UBE2E2: variants seen among roughly 807,000 people sequenced by gnomAD.
UBE2E2 encodes the protein ubiquitin conjugating enzyme E2 E2, also known as ubiquitin-conjugating enzyme E2 E2.
Under a neutral mutation model 24.7 loss-of-function variants are expected in UBE2E2, and 6 were observed. That is an observed-to-expected ratio of 0.24 (90% confidence interval 0.13 to 0.48). The LOEUF (loss-of-function observed/expected upper bound fraction) is 0.48. UBE2E2 is among the 20% of genes least tolerant of loss of function. The probability of loss-of-function intolerance (pLI) is 0.99; values close to 1 mark genes in which losing one functional copy is unlikely to be tolerated. For synonymous variants in UBE2E2, 104 were observed against 83.6 expected (o/e 1.24, Z -1.33); for missense variants, 169 against 245.0 (o/e 0.69, Z 2.07).
At chr3:23,276,424 T>C (rs1451416744) in intron 3 of UBE2E2, among the ~76,000 whole-genome samples, 1 of 152,190 alleles carries the variant, frequency 6.6e-6, no homozygotes, top group East Asian at 1.9e-4. Flanking sequence ...AAGGAGGGGT[T>C]AATTTACGTT....
intron 3 of UBE2E2, among the ~76,000 whole-genome samples, chr3:23,367,614 G>A (rs929410551): frequency 1.3e-5 from 2 of 152,140 alleles, no homozygotes; most frequent in African/African-American, 4.8e-5. Context: ...ATCCCTTGCA[G>A]TATCTATGTG....
intron 5 of UBE2E2, among the ~76,000 whole-genome samples, chr3:23,542,043 G>A (rs1695405976): frequency 6.6e-6 from 1 of 152,148 alleles, no homozygotes; most frequent in South Asian, 2.1e-4. Context: ...TCTAGCTTTG[G>A]ATGCCAGCAT....
Position 23,217,332 on chromosome 3 carries a change from T to C in UBE2E2, c.227+20T>C. ...CTGTAGGTAAGTACTCATGGTTTTT[T>C]ATTTACTTGTATCTTTTGCAGAAGG... On this transcript the variant is annotated intron_variant, in intron 3 of 5. Coordinates refer to ENST00000396703, the MANE Select transcript of UBE2E2 (RefSeq NM_152653.4). 1 of 1,609,002 alleles carries C rather than the reference T, an allele frequency of 6.2e-7. No individual in the cohort carries two copies. Among genetic ancestry groups the C allele is most frequent in the East Asian group, 2.2e-5 (1 of 44,782 alleles).
At chr3:23,526,508 T>C (rs1244186630) in intron 4 of UBE2E2, among the ~76,000 whole-genome samples, 2 of 152,192 alleles carry the variant, frequency 1.3e-5, no homozygotes, top group African/African-American at 4.8e-5. Context: ...AGGCAGTGCT[T>C]TGGACATCAG....
At chr3:23,411,933 T>A (rs1232011578) in intron 3 of UBE2E2, among the ~76,000 whole-genome samples, 1 of 152,188 alleles carries the variant, frequency 6.6e-6, no homozygotes, top group African/African-American at 2.4e-5. Flanking sequence ...CTAATTGCAG[T>A]ACAAACGAAA....
chr3:23,299,743 A>T (rs539874843), intron 3 of UBE2E2, among the ~76,000 whole-genome samples: 38 of 152,334 alleles, frequency 2.5e-4, no homozygotes, highest in African/African-American at 8.7e-4. Context: ...TGTGGTGCTG[A>T]AAAGAATGTA....
chr3:23,400,619 C>CACACACACAG (rs1224331795), intron 3 of UBE2E2, among the ~76,000 whole-genome samples: 1 of 150,928 alleles, frequency 6.6e-6, no homozygotes, highest in Non-Finnish European at 1.5e-5. Flanking sequence ...CACACACACA[C>CACACACACAG]ACACACACAC....
intron 3 of UBE2E2, among the ~76,000 whole-genome samples, chr3:23,326,230 C>A (rs1432705510): frequency 6.6e-6 from 1 of 152,118 alleles, no homozygotes; most frequent in Non-Finnish European, 1.5e-5. Context: ...TGCCACCAAG[C>A]CTGGCTAATT....
chr3:23,403,669 C>CA (rs1363353633), intron 3 of UBE2E2, among the ~76,000 whole-genome samples: 3 of 151,934 alleles, frequency 2.0e-5, no homozygotes, highest in Non-Finnish European at 4.4e-5. Flanking sequence ...TTCAAAAATG[C>CA]AAAAATTAGC....
At chr3:23,412,838 C>T (rs1194545797) in intron 3 of UBE2E2, among the ~76,000 whole-genome samples, 1 of 152,078 alleles carries the variant, frequency 6.6e-6, no homozygotes, top group Non-Finnish European at 1.5e-5. Context: ...GAGTGGGGAG[C>T]CAGAACCTTG....
intron 3 of UBE2E2, among the ~76,000 whole-genome samples, chr3:23,328,630 C>T (rs1171092237): frequency 1.3e-5 from 2 of 149,346 alleles, no homozygotes; most frequent in African/African-American, 4.9e-5. Context: ...TCTGTAGATT[C>T]ATTTAGCTAA....
intron 3 of UBE2E2, among the ~76,000 whole-genome samples, chr3:23,489,256 G>T (rs1270923262): frequency 6.6e-6 from 1 of 151,972 alleles, no homozygotes; most frequent in African/African-American, 2.4e-5. Flanking sequence ...AATATATAAT[G>T]AAATAATTAT....
intron 3 of UBE2E2, among the ~76,000 whole-genome samples, chr3:23,412,054 A>G (rs879712256): frequency 2.0e-5 from 3 of 152,148 alleles, no homozygotes; most frequent in Non-Finnish European, 2.9e-5. Flanking sequence ...TGTGCAAGCA[A>G]CACTTAGATG....
chr3:23,350,244 A>T (rs1394279923), intron 3 of UBE2E2, among the ~76,000 whole-genome samples: 1 of 152,208 alleles, frequency 6.6e-6, no homozygotes, highest in African/African-American at 2.4e-5. Context: ...GTACATCACC[A>T]TCATCAAAGA....
chr3:23,338,580 C>G (rs13087238), intron 3 of UBE2E2, among the ~76,000 whole-genome samples: 9,598 of 152,024 alleles, frequency 0.063, 460 homozygotes, highest in Non-Finnish European at 0.088. Context: ...AACCAGAGTT[C>G]CTTGGAAAAA....
chr3:23,292,082 T>TCTCCTGAC (rs1216174926), intron 3 of UBE2E2, among the ~76,000 whole-genome samples: 4 of 151,950 alleles, frequency 2.6e-5, no homozygotes, highest in African/African-American at 9.7e-5. Flanking sequence ...ATGGTCTTGA[T>TCTCCTGAC]CTCCTGACCT....
At chr3:23,560,766 G>A (rs541108038) in intron 5 of UBE2E2, among the ~76,000 whole-genome samples, 27 of 152,158 alleles carry the variant, frequency 1.8e-4, no homozygotes, top group African/African-American at 6.5e-4. Context: ...ATTCTAACTG[G>A]TGTGAGATGG....
At chr3:23,223,110 C>A (rs9845536) in intron 3 of UBE2E2, among the ~76,000 whole-genome samples, 46,394 of 145,784 alleles carry the variant, frequency 0.32, 7,662 homozygotes, top group South Asian at 0.39. Context: ...ACCTCTGCCT[C>A]CTGGGTTCAA....
chr3:23,212,688 A>T (rs1696362580), intron 2 of UBE2E2, among the ~76,000 whole-genome samples: 1 of 152,076 alleles, frequency 6.6e-6, no homozygotes, highest in Non-Finnish European at 1.5e-5. Context: ...GGCTCGTCTA[A>T]GTTTGTTTTC....
Sources: gnomAD v4.1 joint callset for allele counts (sites outside exome capture counted in the v4.1 genomes callset) on GRCh38, gnomAD v4.1.1 for gene constraint, MANE v1.5 for transcripts, NCBI Gene and HGNC (gene_info 2026-07-23, HGNC 2026-07-21) for gene names.